Variants in CPXM2 observed in about 807,000 individuals in gnomAD.
CPXM2 encodes the protein inactive carboxypeptidase-like protein X2.
In CPXM2, 66 loss-of-function variants were observed where a neutral mutation model predicts 86.1. The observed-to-expected ratio is 0.77, with a 90% CI of 0.63 to 0.94. The LOEUF is 0.94. Ranked by LOEUF, CPXM2 falls within the 40% of genes least tolerant of loss-of-function variation. The pLI is 0.00. For synonymous variants in CPXM2, 388 were observed against 400.2 expected, an observed-to-expected ratio of 0.97 and a Z score of 0.36; for missense variants, 948 against 1,026.3, an observed-to-expected ratio of 0.92 and a Z score of 1.04.
At chr10:123,926,096 G>A (rs1196600924) in intron 2 of CPXM2, among the ~76,000 whole-genome samples, 1 of 152,206 alleles carries the variant, frequency 6.6e-6, no homozygotes, top group Non-Finnish European at 1.5e-5. Context: ...TCTCATGGCA[G>A]ATTCCAAGCG....
At chr10:123,799,558 A>C (rs1006968575) in intron 4 of CPXM2, among the ~76,000 whole-genome samples, 1 of 152,242 alleles carries the variant, frequency 6.6e-6, no homozygotes, top group African/African-American at 2.4e-5. Flanking sequence ...CTGAACACCT[A>C]CATCACACCC....
At chr10:123,781,033 T>C (rs1256106211) in intron 6 of CPXM2, among the ~76,000 whole-genome samples, 1 of 152,328 alleles carries the variant, frequency 6.6e-6, no homozygotes, top group South Asian at 2.1e-4. Context: ...TTCCGTGATG[T>C]GGATGACCCA....
chr10:123,862,783 A>G, intron 2 of CPXM2, 60 bp from the exon 3 acceptor site: 1 of 1,454,536 alleles, frequency 6.9e-7, no homozygotes, highest in African/African-American at 1.4e-5. Context: ...TGAGTTTCTT[A>G]TTTTCTAAAT....
At chr10:123,795,392 T>C (rs1026075577) in intron 6 of CPXM2, among the ~76,000 whole-genome samples, 1 of 151,740 alleles carries the variant, frequency 6.6e-6, no homozygotes, top group Admixed American at 6.6e-5. Context: ...ACCGGAGAGT[T>C]CACAGGAAGA....
chr10:123,755,124 C>T (rs1846175232), intron 12 of CPXM2, among the ~76,000 whole-genome samples: 2 of 152,204 alleles, frequency 1.3e-5, no homozygotes. Context: ...GGTGTCTTAT[C>T]TACCAGATAG....
At chr10:123,763,414 T>C (rs1478485163) in intron 10 of CPXM2, among the ~76,000 whole-genome samples, 1 of 152,134 alleles carries the variant, frequency 6.6e-6, no homozygotes, top group African/African-American at 2.4e-5. Context: ...CCATCCTACC[T>C]ATCCACCCTC....
upstream of CPXM2, among the ~76,000 whole-genome samples, chr10:123,893,113 C>CT (rs139850479): frequency 0.011 from 1,738 of 152,328 alleles, 41 homozygotes; most frequent in African/African-American, 0.039. Context: ...TGTTCCCTAA[C>CT]TTTTTGCCAG....
At chr10:123,752,436 A>C (rs1589959079) in intron 13 of CPXM2, 1 of 985,194 alleles carries the variant, frequency 1.0e-6, no homozygotes, top group Non-Finnish European at 1.2e-6. Flanking sequence ...ATTACACAGC[A>C]ATCTACTATT....
chr10:123,939,929 C>T (rs1351195046), intron 1 of CPXM2, among the ~76,000 whole-genome samples: 2 of 152,226 alleles, frequency 1.3e-5, no homozygotes, highest in Non-Finnish European at 2.9e-5. Context: ...CACGTACTTC[C>T]TGTCCACACA....
intron 13 of CPXM2, chr10:123,750,174 C>T: frequency 6.1e-6 from 6 of 985,298 alleles, no homozygotes; most frequent in South Asian, 4.7e-5. Flanking sequence ...GAAATTTGTT[C>T]TGTCCTTGTG....
intron 6 of CPXM2, among the ~76,000 whole-genome samples, chr10:123,788,935 G>A (rs1022514644): frequency 6.6e-6 from 1 of 151,232 alleles, no homozygotes; most frequent in East Asian, 2.0e-4. Context: ...GAGGACTGAG[G>A]ACACCAGAGG....
At chr10:123,758,763 C>G (rs1199791400) in intron 11 of CPXM2, among the ~76,000 whole-genome samples, 1 of 152,196 alleles carries the variant, frequency 6.6e-6, no homozygotes, top group Non-Finnish European at 1.5e-5. Flanking sequence ...CTCTGCGCGA[C>G]TCACCCAGTA....
chr10:123,849,189 T>C (rs1848551989), intron 3 of CPXM2, among the ~76,000 whole-genome samples: 2 of 152,306 alleles, frequency 1.3e-5, no homozygotes, highest in South Asian at 4.1e-4. Flanking sequence ...CGGTTTTGTG[T>C]TTTTTGTGTT....
intron 2 of CPXM2, among the ~76,000 whole-genome samples, chr10:123,924,161 C>G (rs147515569): frequency 6.6e-6 from 1 of 152,210 alleles, no homozygotes; most frequent in Non-Finnish European, 1.5e-5. Flanking sequence ...AGCAGCTCAC[C>G]AAATCTCCAG....
intron 4 of CPXM2, among the ~76,000 whole-genome samples, chr10:123,820,873 C>T (rs1389081426): frequency 6.6e-6 from 1 of 152,222 alleles, no homozygotes; most frequent in Non-Finnish European, 1.5e-5. Flanking sequence ...GTGGATAATT[C>T]AGGCTCTTCT....
chr10:123,823,813 T>C (rs533651821), intron 4 of CPXM2, among the ~76,000 whole-genome samples: 7 of 152,206 alleles, frequency 4.6e-5, no homozygotes, highest in Admixed American at 2.0e-4. Flanking sequence ...TTCCAAAATA[T>C]TGAGATTAAG....
chr10:123,859,305 T>G (rs563356457), intron 3 of CPXM2, among the ~76,000 whole-genome samples: 1 of 152,240 alleles, frequency 6.6e-6, no homozygotes, highest in Non-Finnish European at 1.5e-5. Context: ...GGAGATGTAT[T>G]TTTGGCACAC....
At chr10:123,751,654 T>A (rs1846079467) in intron 13 of CPXM2, 1 of 985,230 alleles carries the variant, frequency 1.0e-6, no homozygotes, top group Admixed American at 6.2e-5. Flanking sequence ...CCAGCTTCCC[T>A]CCCTGTGGAA....
chr10:123,920,388 A>G (rs1336760228), intron 2 of CPXM2, among the ~76,000 whole-genome samples: 1 of 152,248 alleles, frequency 6.6e-6, no homozygotes, highest in East Asian at 1.9e-4. Context: ...GATTTCAAAA[A>G]TAAGAACAAT....
Sources: allele counts gnomAD v4.1 joint callset (sites outside exome capture counted in the v4.1 genomes callset), GRCh38; gene constraint gnomAD v4.1.1; transcripts MANE v1.5; gene names NCBI Gene and HGNC (gene_info 2026-07-23, HGNC 2026-07-21).